Variants in NELL2 observed in about 807,000 individuals in gnomAD.
The protein encoded by NELL2 is protein kinase C-binding protein NELL2.
NELL2 carries 41 observed loss-of-function variants against 109.6 expected under a neutral mutation model. That is an observed-to-expected ratio of 0.37 (90% CI 0.29 to 0.49). NELL2 has a LOEUF of 0.49. NELL2 is among the 20% of genes least tolerant of loss of function. NELL2 has a pLI of 0.98. For synonymous variants in NELL2, 355 were observed against 344.7 expected, an observed-to-expected ratio of 1.03 and a Z score of -0.33; for missense variants, 900 against 1,008.3, an observed-to-expected ratio of 0.89 and a Z score of 1.45.
chr12:44,696,528 A>G (rs1432814901), intron 12 of NELL2, among the ~76,000 whole-genome samples: 1 of 152,206 alleles, frequency 6.6e-6, no homozygotes, highest in Non-Finnish European at 1.5e-5. Context: ...TGCACATACA[A>G]TTTAATAAAT....
At position 44,776,168 on chromosome 12, in the gene NELL2, G is replaced by C; in HGVS notation, c.763-18C>G. ...CGAGACAGCTGTGGCACAAAAGAAC[G>C]GGTTTTACATTGTTCATCCTTCCAG... On this transcript the variant is annotated intron_variant, in intron 7 of 19. Transcript: ENST00000429094. 1.9e-6 allele frequency: 3 copies of C among 1,611,540 alleles called. No individual in the cohort carries two copies. The highest frequency in any genetic ancestry group is 2.5e-6 in the Non-Finnish European group (3 of 1,178,948).
intron 9 of NELL2, among the ~76,000 whole-genome samples, chr12:44,727,145 G>A (rs1939124052): frequency 6.6e-6 from 1 of 152,106 alleles, no homozygotes; most frequent in Non-Finnish European, 1.5e-5. Flanking sequence ...TTATAGATCA[G>A]TAATTATCAA....
Position 44,653,770 on chromosome 12 carries a change from A to G in NELL2, c.1444+11714T>C, listed in dbSNP as rs539598491. ...AACAAACAATTTTTTGGCAAAAAAGAAAAATAACATACAACAAAGACAAAA... is the reference window on the plus strand; with the variant it reads ...AACAAACAATTTTTTGGCAAAAAAGGAAAATAACATACAACAAAGACAAAA... On this transcript the variant is annotated intron_variant, in intron 13 of 19. Transcript: ENST00000429094. Among the ~76,000 whole-genome samples the G allele has an allele frequency of 2.0e-5, 3 of 152,330 alleles. No individual in the cohort carries two copies. The South Asian group carries it at 6.2e-4, about 32-fold the overall frequency.
chr12:44,885,046 A>T (rs1266437234), intron 1 of NELL2, among the ~76,000 whole-genome samples: 1 of 152,040 alleles, frequency 6.6e-6, no homozygotes, highest in Non-Finnish European at 1.5e-5. Context: ...TGGGAGGCTG[A>T]GGCAGGCGGA....
At chr12:44,840,283 A>C (rs7968547) in intron 2 of NELL2, among the ~76,000 whole-genome samples, 150,410 of 152,252 alleles carry the variant, frequency 0.99, 74,337 homozygotes, top group East Asian at 1. Context: ...TACAAGTTTA[A>C]TGTATTGCAA....
chr12:44,845,574 G>A (rs1356107462), intron 2 of NELL2, among the ~76,000 whole-genome samples: 2 of 152,172 alleles, frequency 1.3e-5, no homozygotes, highest in South Asian at 2.1e-4. Context: ...TATTCTGTTG[G>A]ACAGCTTTGA....
intron 2 of NELL2, among the ~76,000 whole-genome samples, chr12:44,872,176 T>A (rs1945182746): frequency 6.6e-6 from 1 of 152,162 alleles, no homozygotes; most frequent in African/African-American, 2.4e-5. Flanking sequence ...CTTTTTATTG[T>A]CTACATTCAC....
chr12:44,548,313 T>C lies in NELL2; in HGVS notation c.1664-15592A>G, dbSNP rs372490080. ...ACATAAGTGTTAGTCTTTAAAATTTTGGCCCACAGTGACTAGTATAAAACA... is the reference window on the plus strand; with the variant it reads ...ACATAAGTGTTAGTCTTTAAAATTTCGGCCCACAGTGACTAGTATAAAACA... On this transcript the variant is annotated intron_variant, in intron 15 of 19. Coordinates refer to ENST00000429094, the MANE Select transcript of NELL2 (RefSeq NM_001145108.2). Among the ~76,000 whole-genome samples the C allele has an allele frequency of 5.3e-5, 8 of 152,218 alleles. No individual in the cohort carries two copies. In the South Asian group the frequency reaches 1.7e-3, roughly 32 times the overall value.
At chr12:44,716,467 ACTAT>A (rs962453080) in intron 9 of NELL2, among the ~76,000 whole-genome samples, 32 of 152,154 alleles carry the variant, frequency 2.1e-4, no homozygotes, top group Admixed American at 1.9e-3. Flanking sequence ...TCAGTTGCAT[ACTAT>A]CTATCATATT....
At chr12:44,828,987 G>T (rs557405828) in intron 2 of NELL2, among the ~76,000 whole-genome samples, 1 of 152,200 alleles carries the variant, frequency 6.6e-6, no homozygotes, top group South Asian at 2.1e-4. Context: ...TGGCACTTGA[G>T]TTTATAATCA....
intron 15 of NELL2, among the ~76,000 whole-genome samples, chr12:44,547,011 C>T (rs533077599): frequency 1.3e-5 from 2 of 151,922 alleles, no homozygotes. Context: ...CACACACAAA[C>T]CTTTTTTTTA....
At chr12:44,588,566 T>C (rs929385407) in intron 15 of NELL2, among the ~76,000 whole-genome samples, 7 of 152,336 alleles carry the variant, frequency 4.6e-5, no homozygotes, top group Non-Finnish European at 1.0e-4. Flanking sequence ...GTGTTAGATC[T>C]GAAAGTATGC....
intron 9 of NELL2, among the ~76,000 whole-genome samples, chr12:44,737,679 G>T (rs562466164): frequency 1.3e-5 from 2 of 152,120 alleles, no homozygotes; most frequent in African/African-American, 4.8e-5. Context: ...GGCCCACAGA[G>T]AATCATTCTT....
intron 15 of NELL2, among the ~76,000 whole-genome samples, chr12:44,582,021 A>C (rs920267486): frequency 6.6e-6 from 1 of 152,188 alleles, no homozygotes; most frequent in African/African-American, 2.4e-5. Context: ...GTATTCTTTA[A>C]CTTTTTCCAC....
At chr12:44,785,899 A>C (rs1383619487) in intron 3 of NELL2, among the ~76,000 whole-genome samples, 1 of 152,242 alleles carries the variant, frequency 6.6e-6, no homozygotes, top group Non-Finnish European at 1.5e-5. Context: ...TAAAGACATA[A>C]ATGTAAAACC....
intron 13 of NELL2, among the ~76,000 whole-genome samples, chr12:44,642,035 T>G (rs117994537): frequency 0.014 from 2,156 of 152,224 alleles, 36 homozygotes; most frequent in Non-Finnish European, 0.022. Context: ...TTCTCCTCTA[T>G]GAAATGGGGA....
chr12:44,565,647 C>CAA (rs1437811382), intron 15 of NELL2, among the ~76,000 whole-genome samples: 1 of 152,104 alleles, frequency 6.6e-6, no homozygotes, highest in East Asian at 1.9e-4. Context: ...GCTTGAGTTC[C>CAA]AATGTCTGCC....
intron 3 of NELL2, among the ~76,000 whole-genome samples, chr12:44,809,381 T>C (rs1943101727): frequency 1.3e-5 from 2 of 152,090 alleles, no homozygotes; most frequent in African/African-American, 2.4e-5. Context: ...TCTATTTACC[T>C]TTCGAAACAC....
chr12:44,764,283 T>C (rs1313272328), intron 9 of NELL2, among the ~76,000 whole-genome samples: 1 of 152,178 alleles, frequency 6.6e-6, no homozygotes, highest in East Asian at 1.9e-4. Context: ...CAGAAGGCAT[T>C]TGCTTTTGAA....
Sources: allele counts gnomAD v4.1 joint callset (sites outside exome capture counted in the v4.1 genomes callset), GRCh38; gene constraint gnomAD v4.1.1; transcripts MANE v1.5; gene names NCBI Gene and HGNC (gene_info 2026-07-23, HGNC 2026-07-21).